SHC3: variants seen among roughly 807,000 people sequenced by gnomAD.
The protein encoded by SHC3 is SHC adaptor protein 3, also known as SHC-transforming protein 3.
In SHC3, 15 loss-of-function variants were observed where a neutral mutation model predicts 60.4. The ratio of observed to expected loss-of-function variants is 0.25; its 90% confidence interval spans 0.17 to 0.38. The LOEUF (loss-of-function observed/expected upper bound fraction) is 0.38. SHC3 is among the 10% of genes least tolerant of loss of function. The pLI is 1.00. For synonymous variants in SHC3, 294 were observed against 325.9 expected (o/e 0.90, Z 1.05); for missense variants, 677 against 786.1 (o/e 0.86, Z 1.66).
At chr9:89,106,166 T>G (rs1408561421) in intron 2 of SHC3, among the ~76,000 whole-genome samples, 1 of 152,116 alleles carries the variant, frequency 6.6e-6, no homozygotes, top group East Asian at 1.9e-4. Flanking sequence ...TGAGTATTAG[T>G]GTGGGCTGGT....
intron 1 of SHC3, among the ~76,000 whole-genome samples, chr9:89,153,106 T>C (rs1826566859): frequency 6.6e-6 from 1 of 152,194 alleles, no homozygotes; most frequent in Non-Finnish European, 1.5e-5. Flanking sequence ...ATTTAAGGTT[T>C]TGTGGTTTAC....
chr9:89,021,606 C>G (rs901285395), intron 11 of SHC3, among the ~76,000 whole-genome samples: 1 of 152,198 alleles, frequency 6.6e-6, no homozygotes, highest in Admixed American at 6.5e-5. Flanking sequence ...TCTCCCTGAA[C>G]CCTGCCTGGA....
In SHC3 at chr9:89,144,832, A is replaced by G. The variant is rs1826444760; in HGVS notation, c.475-32206T>C. Among the ~76,000 whole-genome samples the G allele has an allele frequency of 5.3e-5, 8 of 152,028 alleles. No homozygotes were observed. In the South Asian group the frequency reaches 1.7e-3, roughly 32 times the overall value. Reference sequence around the variant, plus strand: ...CTCAATGCAGTGTATCCCCAAGATGACAACTCTGGTGTGAATCTGAACAGG... The same window carrying G: ...CTCAATGCAGTGTATCCCCAAGATGGCAACTCTGGTGTGAATCTGAACAGG... On this transcript the variant is annotated intron_variant, in intron 1 of 11. Coordinates refer to ENST00000375835, the MANE Select transcript of SHC3 (RefSeq NM_016848.6).
chr9:89,046,977 T>C lies in SHC3; in HGVS notation c.980A>G (p.Glu327Gly). 6.3e-7 allele frequency: 1 copy of C among 1,592,322 alleles called. No homozygotes were observed. Among genetic ancestry groups the C allele is most frequent in the Non-Finnish European group, 8.5e-7 (1 of 1,170,928 alleles). Reference protein sequence around the residue: ...ALHDRMQSLDEPWTEEEGDGS... With the variant: ...ALHDRMQSLDGPWTEEEGDGS... ...ATCTCCCTCCTCTTCCGTCCATGGC[T>C]CATCCAGACTCTGCATTCTGTTAAA... is the stretch of plus-strand genomic sequence containing the variant. The change falls in exon 8 of 12, where the codon GAG (glutamate) becomes GGG (glycine). Residue 327 changes from glutamate to glycine, a missense_variant. Glu to Gly is a moderately conservative substitution (Grantham distance 98). Transcript: ENST00000375835.
chr9:89,156,229 A>G (rs1385597054), intron 1 of SHC3, among the ~76,000 whole-genome samples: 1 of 152,186 alleles, frequency 6.6e-6, no homozygotes, highest in African/African-American at 2.4e-5. Flanking sequence ...GGAGCGGGCC[A>G]TGTGGAAAGG....
intron 1 of SHC3, among the ~76,000 whole-genome samples, chr9:89,147,781 G>T (rs761457175): frequency 6.6e-6 from 1 of 151,920 alleles, no homozygotes; most frequent in Non-Finnish European, 1.5e-5. Context: ...AGGCTCTCTG[G>T]TGTTGACATT....
chr9:89,148,477 AT>A (rs1225518889), intron 1 of SHC3, among the ~76,000 whole-genome samples: 1 of 152,250 alleles, frequency 6.6e-6, no homozygotes, highest in African/African-American at 2.4e-5. Flanking sequence ...ATTGCTATAA[AT>A]TTCAACTTTT....
At chr9:89,146,129 G>A (rs754073126) in intron 1 of SHC3, among the ~76,000 whole-genome samples, 9 of 151,914 alleles carry the variant, frequency 5.9e-5, no homozygotes, top group Non-Finnish European at 1.0e-4. Context: ...AGGCTGAGGC[G>A]AGCGGATCAC....
chr9:89,010,853 C>T lies in SHC3; in HGVS notation c.*2594G>A, dbSNP rs1826005431. ...AAGCACAGGCTGGCACACAGCAGGGCTCACGAAATGCTGAGTGAGCAGAAG... is the reference window on the plus strand; with the variant it reads ...AAGCACAGGCTGGCACACAGCAGGGTTCACGAAATGCTGAGTGAGCAGAAG... On this transcript the variant is annotated 3_prime_UTR_variant, in exon 12 of 12. Coordinates refer to ENST00000375835, the MANE Select transcript of SHC3 (RefSeq NM_016848.6). 6.6e-6 allele frequency: 1 copy of T among 152,286 alleles called. No homozygotes were observed. The highest frequency in any genetic ancestry group is 2.1e-4 in the South Asian group (1 of 4,832). The allele number at this position is 152,286 out of a possible 1,614,324, so 9.4% of individuals were successfully genotyped here.
At chr9:89,123,893 C>G (rs766988693) in intron 1 of SHC3, among the ~76,000 whole-genome samples, 2 of 152,190 alleles carry the variant, frequency 1.3e-5, no homozygotes, top group Non-Finnish European at 2.9e-5. Flanking sequence ...GATGGAAAAT[C>G]TATTATAATA....
chr9:89,055,600 G>A (rs1476068632), intron 6 of SHC3, among the ~76,000 whole-genome samples: 4 of 152,204 alleles, frequency 2.6e-5, no homozygotes, highest in African/African-American at 9.6e-5. Context: ...ACAATCTGCA[G>A]AAGAAACAGA....
At chr9:89,074,945 A>G (rs1825332753) in intron 4 of SHC3, among the ~76,000 whole-genome samples, 164 bp downstream of exon 4, 1 of 152,136 alleles carries the variant, frequency 6.6e-6, no homozygotes, top group South Asian at 2.1e-4. Flanking sequence ...AATTTCATTT[A>G]TCATTCTCTT....
At chr9:89,072,375 C>T (rs1825288284) in intron 4 of SHC3, among the ~76,000 whole-genome samples, 1 of 152,098 alleles carries the variant, frequency 6.6e-6, no homozygotes, top group Non-Finnish European at 1.5e-5. Context: ...ATTATGTTTC[C>T]AAAAACACAC....
At chr9:89,086,652 C>A (rs1030297532) in intron 2 of SHC3, among the ~76,000 whole-genome samples, 9 of 152,120 alleles carry the variant, frequency 5.9e-5, no homozygotes, top group African/African-American at 1.9e-4. Flanking sequence ...AATCTTCAGC[C>A]CTTCTCCCCT....
intron 1 of SHC3, among the ~76,000 whole-genome samples, chr9:89,119,237 C>CA (rs1358594041): frequency 1.3e-5 from 2 of 151,622 alleles, no homozygotes; most frequent in African/African-American, 4.8e-5. Flanking sequence ...AAGAAAGAAA[C>CA]AAAAATAGCC....
intron 5 of SHC3, among the ~76,000 whole-genome samples, chr9:89,070,196 T>C (rs1004810328): frequency 2.0e-5 from 3 of 152,242 alleles, no homozygotes; most frequent in African/African-American, 7.2e-5. Flanking sequence ...ATAAGATCAT[T>C]TTTCAATTGA....
At chr9:89,102,531 C>T (rs747126713) in intron 2 of SHC3, among the ~76,000 whole-genome samples, 4 of 152,036 alleles carry the variant, frequency 2.6e-5, no homozygotes, top group African/African-American at 7.2e-5. Flanking sequence ...CCCAAAATAG[C>T]GTTTTCAATA....
At chr9:89,172,283 C>A (rs1349250970) in intron 1 of SHC3, among the ~76,000 whole-genome samples, 1 of 152,162 alleles carries the variant, frequency 6.6e-6, no homozygotes, top group Non-Finnish European at 1.5e-5. Context: ...AGGGAAAATT[C>A]ACCAATTCTA....
chr9:89,105,503 G>C (rs1011746813), intron 2 of SHC3, among the ~76,000 whole-genome samples: 1 of 152,104 alleles, frequency 6.6e-6, no homozygotes, highest in Non-Finnish European at 1.5e-5. Context: ...TATAAAAATG[G>C]CATGTTCATA....
Sources: gnomAD v4.1 joint callset for allele counts (sites outside exome capture counted in the v4.1 genomes callset) on GRCh38, gnomAD v4.1.1 for gene constraint, MANE v1.5 for transcripts, NCBI Gene and HGNC (gene_info 2026-07-23, HGNC 2026-07-21) for gene names.